The following ASXL3 variants were observed in gnomAD, a reference collection of about 807,000 sequenced individuals.
The protein encoded by ASXL3 is putative Polycomb group protein ASXL3.
In ASXL3, 34 loss-of-function variants were observed where a neutral mutation model predicts 170.6. The ratio of observed to expected loss-of-function variants is 0.20; its 90% CI spans 0.15 to 0.27. The LOEUF (loss-of-function observed/expected upper bound fraction) is 0.27, where lower values mean the gene tolerates loss of function less well. Among genes scored for constraint, ASXL3 ranks in the 10% least tolerant of loss-of-function variants. The probability of loss-of-function intolerance (pLI) is 1.00; values close to 1 mark genes in which losing one functional copy is unlikely to be tolerated. For synonymous variants in ASXL3, 1,002 were observed against 989.1 expected, an observed-to-expected ratio of 1.01 and a Z score of -0.24; for missense variants, 2,592 against 2,695.3, an observed-to-expected ratio of 0.96 and a Z score of 0.85.
chr18:33,585,457 A>G (rs2065027022), intron 1 of ASXL3, among the ~76,000 whole-genome samples: 1 of 152,200 alleles, frequency 6.6e-6, no homozygotes, highest in East Asian at 1.9e-4. Flanking sequence ...CAGCTTTATC[A>G]GTCTGAATTT....
In ASXL3 at chr18:33,739,766, G is replaced by A. The variant is rs368706900; in HGVS notation, c.2362G>A (p.Ala788Thr). ...PLSPQKDESS[A>T]TAKPLGENLT... Reference sequence around the variant, plus strand: ...CTCCCCGCAGAAAGATGAGTCTTCCGCCACTGCCAAACCTCTGGGAGAGAA... The same window carrying A: ...CTCCCCGCAGAAAGATGAGTCTTCCACCACTGCCAAACCTCTGGGAGAGAA... Residue 788 changes from alanine (A) to threonine (T), a missense_variant, in exon 11 of 12, where the codon GCC becomes ACC. Coordinates refer to ENST00000269197, the MANE Select transcript of ASXL3 (RefSeq NM_030632.3). 25 of 1,613,574 alleles carry A rather than the reference G, an allele frequency of 1.5e-5. No homozygotes were observed. The highest frequency in any genetic ancestry group is 1.6e-4 in the Middle Eastern group (1 of 6,084).
At chr18:33,650,753 A>T (rs2065984867) in intron 4 of ASXL3, among the ~76,000 whole-genome samples, 1 of 152,142 alleles carries the variant, frequency 6.6e-6, no homozygotes, top group Non-Finnish European at 1.5e-5. Context: ...TTGAAGTTGC[A>T]TTCGGGAAAT....
chr18:33,660,488 C>T (rs1599459340), intron 4 of ASXL3, among the ~76,000 whole-genome samples: 2 of 152,206 alleles, frequency 1.3e-5, no homozygotes, highest in East Asian at 3.9e-4. Flanking sequence ...ACTTCTTCAC[C>T]TTCTTTTAAA....
At chr18:33,731,856 T>G (rs2067453794) in intron 8 of ASXL3, 112 bp from the exon 9 acceptor site, 1 of 684,268 alleles carries the variant, frequency 1.5e-6, no homozygotes, top group African/African-American at 1.8e-5. Flanking sequence ...TCCCCCTTCC[T>G]CCTCCTCACA....
In ASXL3 at chr18:33,748,943, A is replaced by C. The variant is rs571337396; in HGVS notation, c.*2348A>C. ...CCTTCATTGTTGAATACTGCCTGCA[A>C]GTTGCTTATTGGGAATAAGAAAAAG... On this transcript the variant is annotated 3_prime_UTR_variant, in exon 12 of 12. Coordinates refer to ENST00000269197, the MANE Select transcript of ASXL3 (RefSeq NM_030632.3). 1 of 152,174 alleles carries C rather than the reference A, an allele frequency of 6.6e-6. No homozygotes were observed. The highest frequency in any genetic ancestry group is 2.4e-5 in the African/African-American group (1 of 41,442). 9.4% of individuals were successfully genotyped at this position (152,174 alleles called of 1,614,324 possible). A position where few individuals can be genotyped will look rare whatever the true frequency, so the allele number is the denominator to read the frequency against.
intron 8 of ASXL3, among the ~76,000 whole-genome samples, chr18:33,715,686 A>C (rs2067153485): frequency 6.6e-6 from 1 of 152,188 alleles, no homozygotes; most frequent in Non-Finnish European, 1.5e-5. Context: ...TAATGTTTTA[A>C]ATCAAATATC....
chr18:33,605,105 C>T (rs1427784519), intron 1 of ASXL3, among the ~76,000 whole-genome samples: 2 of 151,930 alleles, frequency 1.3e-5, no homozygotes, highest in Non-Finnish European at 2.9e-5. Flanking sequence ...ACCAAAACAT[C>T]CAAAATGTAA....
At chr18:33,707,146 G>A (rs750701431) in intron 8 of ASXL3, among the ~76,000 whole-genome samples, 35 of 151,712 alleles carry the variant, frequency 2.3e-4, no homozygotes, top group Non-Finnish European at 3.8e-4. Context: ...TTGATTATTC[G>A]TAGCTTGATA....
intron 8 of ASXL3, among the ~76,000 whole-genome samples, chr18:33,686,994 T>C (rs2066607395): frequency 6.6e-6 from 1 of 152,310 alleles, no homozygotes; most frequent in African/African-American, 2.4e-5. Context: ...GATAAATGTT[T>C]GACCTTGGTA....
intron 8 of ASXL3, among the ~76,000 whole-genome samples, chr18:33,705,058 T>C (rs1455365448): frequency 1.3e-5 from 2 of 151,830 alleles, no homozygotes; most frequent in Non-Finnish European, 3.0e-5. Flanking sequence ...CTATTATTAA[T>C]ATTCAGATAT....
Position 33,743,531 on chromosome 18 carries a change from C to T in ASXL3, c.3683C>T (p.Pro1228Leu). The stretch of plus-strand genomic sequence containing the variant: ...ACCTCTTCTGAAAATAGCAGTGTGC[C>T]CATGCTTTTTAATAAAAATTCTGTC... ...SSTSSENSSV[P>L]MLFNKNSVPV... The change falls in exon 12 of 12, where the codon CCC becomes CTC. Residue 1228 changes from proline to leucine, a missense_variant. Physicochemically the swap from Pro to Leu is moderately conservative, Grantham distance 98 (BLOSUM62 -3). Coordinates refer to ENST00000269197, the MANE Select transcript of ASXL3 (RefSeq NM_030632.3). 1 of 1,613,274 alleles carries T rather than the reference C, an allele frequency of 6.2e-7. No individual in the cohort carries two copies. The highest frequency in any genetic ancestry group is 8.5e-7 in the Non-Finnish European group (1 of 1,179,848).
chr18:33,671,541 G>A (rs1481375820), intron 6 of ASXL3, among the ~76,000 whole-genome samples: 1 of 152,048 alleles, frequency 6.6e-6, no homozygotes, highest in Non-Finnish European at 1.5e-5. Flanking sequence ...TCCACTATTA[G>A]GCCATCTGTT....
At chr18:33,665,644 T>C (rs992510367) in intron 5 of ASXL3, among the ~76,000 whole-genome samples, 1 of 152,224 alleles carries the variant, frequency 6.6e-6, no homozygotes. Flanking sequence ...CACAAAAGCC[T>C]CTGATTTGAA....
chr18:33,630,780 G>A (rs1195496048), intron 2 of ASXL3, among the ~76,000 whole-genome samples: 1 of 151,866 alleles, frequency 6.6e-6, no homozygotes, highest in Non-Finnish European at 1.5e-5. Flanking sequence ...AAACTCTGCT[G>A]TTTTTCTTTC....
intron 8 of ASXL3, chr18:33,690,334 T>C (rs1307491478): frequency 6.6e-6 from 1 of 152,176 alleles, no homozygotes; most frequent in Non-Finnish European, 1.5e-5. Context: ...GCTCTTTTTT[T>C]CTTAGGATGT....
At chr18:33,681,581 G>T (rs761231394) in intron 7 of ASXL3, among the ~76,000 whole-genome samples, 5 of 151,240 alleles carry the variant, frequency 3.3e-5, no homozygotes, top group Admixed American at 2.0e-4. Context: ...TCAATTTTTT[G>T]TTAAAAATGG....
At chr18:33,607,414 G>C (rs747845969) in intron 1 of ASXL3, among the ~76,000 whole-genome samples, 180 bp from the exon 2 acceptor site, 1 of 151,768 alleles carries the variant, frequency 6.6e-6, no homozygotes, top group Admixed American at 6.6e-5. Context: ...AGAAATTTCC[G>C]ATTTAAATGT....
At position 33,743,180 on chromosome 18, in the gene ASXL3, T is replaced by G. The variant is rs2145423828; in HGVS notation, c.3332T>G (p.Phe1111Cys). 1 of 1,613,934 alleles carries G rather than the reference T, an allele frequency of 6.2e-7. No homozygotes were observed. The highest frequency in any genetic ancestry group is 2.2e-5 in the East Asian group (1 of 44,874). ...HIKEQTKAKLFAKHQARAHLF... is the reference protein window; with the variant it reads ...HIKEQTKAKLCAKHQARAHLF... ...AAAGAGCAGACAAAGGCTAAGCTCTTTGCAAAGCATCAAGCTCGAGCCCAT... is the reference window on the plus strand; with the variant it reads ...AAAGAGCAGACAAAGGCTAAGCTCTGTGCAAAGCATCAAGCTCGAGCCCAT... Residue 1111 changes from phenylalanine to cysteine, a missense_variant, in exon 12 of 12, where the codon TTT becomes TGT. Coordinates refer to ENST00000269197, the MANE Select transcript of ASXL3 (RefSeq NM_030632.3).
chr18:33,586,639 C>G (rs2145092802), intron 1 of ASXL3, among the ~76,000 whole-genome samples: 1 of 152,136 alleles, frequency 6.6e-6, no homozygotes, highest in Non-Finnish European at 1.5e-5. Flanking sequence ...CAGGATGTTT[C>G]CTCCCCCTCC....
Sources: gnomAD v4.1 joint callset for allele counts (sites outside exome capture counted in the v4.1 genomes callset) on GRCh38, gnomAD v4.1.1 for gene constraint, MANE v1.5 for transcripts, NCBI Gene and HGNC (gene_info 2026-07-23, HGNC 2026-07-21) for gene names.